Variants in MAPK4 observed in about 807,000 individuals in gnomAD.
MAPK4 encodes Erk3-related.
MAPK4 carries 22 observed loss-of-function variants against 47.7 expected under a neutral mutation model. The observed-to-expected ratio is 0.46, with a 90% CI of 0.33 to 0.66. The LOEUF (loss-of-function observed/expected upper bound fraction) is 0.66. Among genes scored for constraint, MAPK4 ranks in the 30% least tolerant of loss-of-function variants. The probability of loss-of-function intolerance (pLI) is 0.02; values close to 1 mark genes in which losing one functional copy is unlikely to be tolerated. For missense variants in MAPK4, 736 were observed against 831.7 expected (o/e 0.88, Z 1.42); for synonymous variants, 390 against 365.7 (o/e 1.07, Z -0.76).
At chr18:50,590,888 A>G (rs767138514) in intron 1 of MAPK4, among the ~76,000 whole-genome samples, 4 of 152,202 alleles carry the variant, frequency 2.6e-5, no homozygotes, top group African/African-American at 4.8e-5. Context: ...TATCATAGGC[A>G]TTTAGGAAAG....
chr18:50,562,931 A>T (rs1389418210), intron 1 of MAPK4, among the ~76,000 whole-genome samples: 1 of 151,388 alleles, frequency 6.6e-6, no homozygotes, highest in African/African-American at 2.4e-5. Flanking sequence ...GACATTGAGA[A>T]CTCTCTACGT....
At chr18:50,680,218 A>C (rs1032757619) in intron 2 of MAPK4, among the ~76,000 whole-genome samples, 1 of 149,078 alleles carries the variant, frequency 6.7e-6, no homozygotes, top group African/African-American at 2.5e-5. Flanking sequence ...CAGCCTTCCA[A>C]GTAGCTGGGA....
upstream of MAPK4, among the ~76,000 whole-genome samples, chr18:50,559,640 C>T (rs1300195666): frequency 7.0e-6 from 1 of 143,594 alleles, no homozygotes; most frequent in East Asian, 2.2e-4. Context: ...CCCCCGGCGG[C>T]TGCAGCCGCG....
chr18:50,726,020 G>T lies in MAPK4; in HGVS notation c.912G>T (p.Glu304Asp). Residue 304 changes from glutamate (E) to aspartate (D), a missense_variant, in exon 5 of 6, where the codon GAG becomes GAT. Physicochemically the swap from Glu to Asp is conservative, Grantham distance 45 (BLOSUM62 2). Coordinates refer to ENST00000400384, the MANE Select transcript of MAPK4 (RefSeq NM_002747.4). ...ACCCCATGGATCGCCTAACAGCTGAGATGGGGCTGCAACACCCCTACATGA... is the reference window on the plus strand; with the variant it reads ...ACCCCATGGATCGCCTAACAGCTGATATGGGGCTGCAACACCCCTACATGA... Reference protein sequence around the residue: ...TFNPMDRLTAEMGLQHPYMSP... With the variant: ...TFNPMDRLTADMGLQHPYMSP... The T allele has an allele frequency of 6.2e-7, 1 of 1,614,164 alleles. No homozygotes were observed. Among genetic ancestry groups the T allele is most frequent in the Non-Finnish European group, 8.5e-7 (1 of 1,180,042 alleles).
At chr18:50,665,841 A>G (rs1907572652) in intron 2 of MAPK4, among the ~76,000 whole-genome samples, 1 of 152,150 alleles carries the variant, frequency 6.6e-6, no homozygotes, top group African/African-American at 2.4e-5. Flanking sequence ...CTGACAGCCA[A>G]CTCTGTAGGA....
intron 3 of MAPK4, among the ~76,000 whole-genome samples, chr18:50,716,932 G>A (rs1463809947): frequency 2.0e-5 from 3 of 152,122 alleles, no homozygotes; most frequent in Non-Finnish European, 4.4e-5. Flanking sequence ...TAACAAAGCA[G>A]CCCTCCTCTG....
chr18:50,668,955 G>GT (rs1907769526), intron 2 of MAPK4, among the ~76,000 whole-genome samples: 1 of 152,210 alleles, frequency 6.6e-6, no homozygotes, highest in African/African-American at 2.4e-5. Flanking sequence ...TCCTGTTAGA[G>GT]TCAAACGAAA....
intron 1 of MAPK4, among the ~76,000 whole-genome samples, chr18:50,576,191 A>G (rs1311125075): frequency 6.6e-6 from 1 of 152,170 alleles, no homozygotes; most frequent in Admixed American, 6.5e-5. Context: ...ACACATGCAT[A>G]CATATGTTCA....
Position 50,664,499 on chromosome 18 carries a change from C to T in MAPK4, c.541C>T (p.His181Tyr). 1 of 1,586,266 alleles carries T rather than the reference C, an allele frequency of 6.3e-7. No homozygotes were observed. Among genetic ancestry groups the T allele is most frequent in the East Asian group, 2.3e-5 (1 of 44,430 alleles). ...LARIVDQHYS[H>Y]KGYLSEGLVT... ...AAGGATCGTTGATCAGCATTACTCC[C>T]ACAAGGTATGTCTGGCTGGAATGGC... Residue 181 changes from histidine (H) to tyrosine (Y), a missense_variant, in exon 2 of 6, where the codon CAC (histidine) becomes TAC (tyrosine). Around this residue, in one of 3 missense-constraint regions of MAPK4, gnomAD observed 327 missense variants for 395.4 expected, o/e 0.83. Transcript: ENST00000400384. This position sits in a 1 kb window ranked among gnomAD's most constrained non-coding sequence, Gnocchi z 6.0.
At chr18:50,669,995 T>TA (rs1236640993) in intron 2 of MAPK4, 2 of 151,922 alleles carry the variant, frequency 1.3e-5, no homozygotes, top group African/African-American at 2.4e-5. Flanking sequence ...CCGTCTCTCC[T>TA]AAAAATATAA....
At chr18:50,655,327 G>A (rs953896348) in intron 1 of MAPK4, among the ~76,000 whole-genome samples, 11 of 152,098 alleles carry the variant, frequency 7.2e-5, no homozygotes, top group Non-Finnish European at 1.5e-4. Context: ...GGCTCGGGTC[G>A]GTTGGTGTCC....
At chr18:50,575,235 G>T (rs1225227457) in intron 1 of MAPK4, among the ~76,000 whole-genome samples, 1 of 152,184 alleles carries the variant, frequency 6.6e-6, no homozygotes, top group Non-Finnish European at 1.5e-5. Context: ...AGGGTTCAAG[G>T]TGTCACCTTG....
intron 1 of MAPK4, among the ~76,000 whole-genome samples, chr18:50,625,642 A>T (rs2042770265): frequency 6.6e-6 from 1 of 152,132 alleles, no homozygotes; most frequent in South Asian, 2.1e-4. Context: ...AGGTCTGAAT[A>T]CCATTGTAGA....
intron 1 of MAPK4, among the ~76,000 whole-genome samples, chr18:50,615,253 C>T (rs959695098): frequency 3.9e-5 from 6 of 152,158 alleles, no homozygotes; most frequent in African/African-American, 1.4e-4. Context: ...CACATGCCCT[C>T]TTCTGTCTAA....
At chr18:50,564,371 G>A (rs1173343561) in intron 1 of MAPK4, among the ~76,000 whole-genome samples, 3 of 152,106 alleles carry the variant, frequency 2.0e-5, no homozygotes, top group African/African-American at 7.2e-5. Context: ...AGCATCCCTG[G>A]CCTCTACCCC....
intron 2 of MAPK4, among the ~76,000 whole-genome samples, chr18:50,691,023 C>T (rs764230774): frequency 7.3e-5 from 11 of 151,718 alleles, no homozygotes; most frequent in Non-Finnish European, 1.5e-4. Context: ...GACAGGGTCT[C>T]GCTGTGTCGC....
At chr18:50,652,668 A>C (rs2144214412) in intron 1 of MAPK4, among the ~76,000 whole-genome samples, 1 of 152,354 alleles carries the variant, frequency 6.6e-6, no homozygotes, top group African/African-American at 2.4e-5. Context: ...GTTAGGAATT[A>C]GGTGCTGAGA....
intron 1 of MAPK4, among the ~76,000 whole-genome samples, chr18:50,617,341 T>C (rs777889958): frequency 2.0e-5 from 3 of 152,220 alleles, no homozygotes; most frequent in Non-Finnish European, 2.9e-5. Context: ...AGGAAAATTA[T>C]TTAATTTTAA....
Position 50,647,262 on chromosome 18 carries a change from A to G in MAPK4, c.-870-15827A>G, listed in dbSNP as rs146019697. ...CTGTGGCAGCTGAGGCTTCCAGAAGAATCAGGCAAAATGATTCGTAAGGAG... is the reference window on the plus strand; with the variant it reads ...CTGTGGCAGCTGAGGCTTCCAGAAGGATCAGGCAAAATGATTCGTAAGGAG... On this transcript the variant is annotated intron_variant, in intron 1 of 5. Coordinates refer to ENST00000400384, the MANE Select transcript of MAPK4 (RefSeq NM_002747.4). Among the ~76,000 whole-genome samples the G allele has an allele frequency of 3.2e-3, 484 of 152,360 alleles. 10 individuals are homozygous for G. The East Asian group carries it at 0.048, about 15-fold the overall frequency.
Sources: allele counts gnomAD v4.1 joint callset (sites outside exome capture counted in the v4.1 genomes callset), GRCh38; gene constraint gnomAD v4.1.1; regional missense constraint gnomAD v4.1.1; non-coding constraint Gnocchi (gnomAD v3.1); transcripts MANE v1.5; gene names NCBI Gene and HGNC (gene_info 2026-07-23, HGNC 2026-07-21).